Variants in ZMIZ1 observed in about 807,000 individuals in gnomAD.
The protein encoded by ZMIZ1 is zinc finger MIZ-type containing 1.
ZMIZ1 carries 17 observed loss-of-function variants against 113.9 expected under a neutral mutation model. That is an observed-to-expected ratio of 0.15 (90% CI 0.10 to 0.22). The LOEUF is 0.22. Ranked by LOEUF, ZMIZ1 falls within the 10% of genes least tolerant of loss-of-function variation. The probability of loss-of-function intolerance (pLI) is 1.00; values close to 1 mark genes in which losing one functional copy is unlikely to be tolerated. For missense variants in ZMIZ1, 1,059 were observed against 1,477.8 expected, an observed-to-expected ratio of 0.72 and a Z score of 4.65; for synonymous variants, 607 against 603.1, an observed-to-expected ratio of 1.01 and a Z score of -0.09.
chr10:79,170,778 G>A (rs767361157), intron 4 of ZMIZ1, among the ~76,000 whole-genome samples: 14 of 152,152 alleles, frequency 9.2e-5, no homozygotes, highest in African/African-American at 2.9e-4. Flanking sequence ...AAAGTGGAAC[G>A]TGCTGGCTAG....
intron 3 of ZMIZ1, among the ~76,000 whole-genome samples, chr10:79,142,364 G>C (rs1564676638): frequency 6.6e-6 from 1 of 152,162 alleles, no homozygotes; most frequent in Admixed American, 6.5e-5. Flanking sequence ...TGTGGCGCTT[G>C]AGAGGGTCAG....
intron 11 of ZMIZ1, 86 bp from the exon 12 acceptor site, chr10:79,293,295 A>T (rs547227216): frequency 6.8e-7 from 1 of 1,474,506 alleles, no homozygotes; most frequent in African/African-American, 1.4e-5. Context: ...CACCTCCCCA[A>T]CCCTTCCCTC....
At chr10:79,072,322 C>G (rs2132150392) in intron 1 of ZMIZ1, among the ~76,000 whole-genome samples, 1 of 152,364 alleles carries the variant, frequency 6.6e-6, no homozygotes, top group African/African-American at 2.4e-5. Context: ...GTCTCCATCC[C>G]TGGCCCCCAT....
chr10:79,230,085 G>T (rs181302118), intron 7 of ZMIZ1, among the ~76,000 whole-genome samples: 1 of 152,130 alleles, frequency 6.6e-6, no homozygotes, highest in South Asian at 2.1e-4. Context: ...GCCCTCCTCC[G>T]TAGGTTGCCC....
intron 1 of ZMIZ1, among the ~76,000 whole-genome samples, chr10:79,088,921 T>A (rs1431927684): frequency 6.6e-6 from 1 of 152,190 alleles, no homozygotes; most frequent in Non-Finnish European, 1.5e-5. Flanking sequence ...TGGGTGGTAT[T>A]ATCCCATTTT....
At chr10:79,262,398 G>A (rs1851322309) in intron 7 of ZMIZ1, among the ~76,000 whole-genome samples, 1 of 152,268 alleles carries the variant, frequency 6.6e-6, no homozygotes, top group Non-Finnish European at 1.5e-5. Context: ...CTGGCCTGGA[G>A]ATCCAGGCTG....
chr10:79,288,838 G>A (rs761245582), intron 8 of ZMIZ1, among the ~76,000 whole-genome samples: 4 of 152,208 alleles, frequency 2.6e-5, no homozygotes, highest in Non-Finnish European at 5.9e-5. Context: ...CAAGAGGTGG[G>A]GCTGAAGGCT....
chr10:79,070,122 G>C (rs1842210404), intron 1 of ZMIZ1, among the ~76,000 whole-genome samples: 1 of 151,618 alleles, frequency 6.6e-6, no homozygotes, highest in Admixed American at 6.6e-5. Flanking sequence ...GCGGAGGTTG[G>C]GGGGCCGGGG....
rs370027648 is a variant in ZMIZ1 at position 79,152,205 on chromosome 10, G to C, written c.-130-9848G>C. On this transcript the variant is annotated intron_variant, in intron 3 of 24. Coordinates refer to ENST00000334512, the MANE Select transcript of ZMIZ1 (RefSeq NM_020338.4). ...CCCAGATGAGATCCGAGGCAGCTTT[G>C]AAAGATAGCCCAGCCCAGTACAGTG... is the stretch of plus-strand genomic sequence containing the variant. Among the ~76,000 whole-genome samples the C allele has an allele frequency of 1.1e-4, 17 of 152,308 alleles. No homozygotes were observed. The East Asian group carries it at 3.3e-3, about 29-fold the overall frequency.
chr10:79,289,717 C>T (rs1272491049), intron 8 of ZMIZ1, 58 bp from the exon 9 acceptor site: 7 of 1,511,592 alleles, frequency 4.6e-6, no homozygotes, highest in Non-Finnish European at 5.5e-6. Flanking sequence ...ATGGGCATGG[C>T]CTGTCTTGAG....
chr10:79,303,736 G>A (rs187739399), intron 18 of ZMIZ1, among the ~76,000 whole-genome samples: 6 of 152,236 alleles, frequency 3.9e-5, no homozygotes, highest in East Asian at 3.9e-4. Flanking sequence ...CCCCTTCCTC[G>A]CGAAGGCAGG....
At chr10:79,203,235 G>T (rs1263352214) in intron 5 of ZMIZ1, among the ~76,000 whole-genome samples, 1 of 152,206 alleles carries the variant, frequency 6.6e-6, no homozygotes, top group African/African-American at 2.4e-5. Context: ...AACTGAGGCT[G>T]TTCCTCGAGA....
intron 16 of ZMIZ1, among the ~76,000 whole-genome samples, chr10:79,299,597 G>GGCCC (rs1169449360): frequency 6.6e-6 from 1 of 152,262 alleles, no homozygotes; most frequent in Non-Finnish European, 1.5e-5. Context: ...GGGTCAGGCA[G>GGCCC]GCCCCATCTA....
At chr10:79,141,262 A>G (rs759751122) in intron 3 of ZMIZ1, among the ~76,000 whole-genome samples, 4 of 152,184 alleles carry the variant, frequency 2.6e-5, no homozygotes, top group Non-Finnish European at 5.9e-5. Flanking sequence ...AAGTTCAGAG[A>G]TATAGCAGGG....
chr10:79,114,575 C>T lies in ZMIZ1; in HGVS notation c.-336-4340C>T, dbSNP rs549498974. Among the ~76,000 whole-genome samples, 76 of 135,830 alleles carry T rather than the reference C, an allele frequency of 5.6e-4. No individual in the cohort carries two copies. The East Asian group carries it at 0.014, about 25-fold the overall frequency. The allele number at this position is 135,830 out of a possible 152,430, so 89.1% of individuals were successfully genotyped here. On this transcript the variant is annotated intron_variant, in intron 1 of 24. Coordinates refer to ENST00000334512, the MANE Select transcript of ZMIZ1 (RefSeq NM_020338.4). Reference sequence around the variant, plus strand: ...AGGGAGAAGGGAGGGAGGGAAGGGGCGGGTAAAAGCCAGCTCCTCTCTGCT... The same window carrying T: ...AGGGAGAAGGGAGGGAGGGAAGGGGTGGGTAAAAGCCAGCTCCTCTCTGCT...
intron 7 of ZMIZ1, chr10:79,216,488 G>T (rs971218196): frequency 7.0e-6 from 3 of 427,406 alleles, no homozygotes; most frequent in African/African-American, 2.1e-5. Flanking sequence ...TGCCTCAGGG[G>T]TACTGCAGGG....
chr10:79,133,050 G>A lies in ZMIZ1; in HGVS notation c.-226-6632G>A, dbSNP rs1844839668. On this transcript the variant is annotated intron_variant, in intron 2 of 24. Transcript: ENST00000334512. ...GTGGAAAGAGGCTGTCCACTCCCTTGATTCAGACCTTTCCACAGCTTCTAG... is the reference window on the plus strand; with the variant it reads ...GTGGAAAGAGGCTGTCCACTCCCTTAATTCAGACCTTTCCACAGCTTCTAG... Among the ~76,000 whole-genome samples, 4 of 152,280 alleles carry A rather than the reference G, an allele frequency of 2.6e-5. No homozygotes were observed. The South Asian group carries it at 8.3e-4, about 32-fold the overall frequency.
intron 3 of ZMIZ1, among the ~76,000 whole-genome samples, chr10:79,143,190 C>G (rs1017910443): frequency 6.6e-5 from 10 of 152,172 alleles, no homozygotes; most frequent in Admixed American, 3.3e-4. Context: ...ACCGCTCCAT[C>G]TCTCCCTTGG....
At chr10:79,307,626 T>G (rs1854811769) in intron 23 of ZMIZ1, 55 bp downstream of exon 23, 1 of 1,573,164 alleles carries the variant, frequency 6.4e-7, no homozygotes, top group African/African-American at 1.4e-5. Flanking sequence ...GTTGATGCCT[T>G]GGGATCTGGA....
Sources: gnomAD v4.1 joint callset for allele counts (sites outside exome capture counted in the v4.1 genomes callset) on GRCh38, gnomAD v4.1.1 for gene constraint, MANE v1.5 for transcripts, NCBI Gene and HGNC (gene_info 2026-07-23, HGNC 2026-07-21) for gene names.